ZSWIM6: variants seen among roughly 807,000 people sequenced by gnomAD.
ZSWIM6 encodes zinc finger SWIM-type containing 6, also known as zinc finger SWIM domain-containing protein 6.
Under a neutral mutation model 113.2 loss-of-function variants are expected in ZSWIM6, and 9 were observed. That is an observed-to-expected ratio of 0.08 (90% CI 0.05 to 0.14). The LOEUF is 0.14. Ranked by LOEUF, ZSWIM6 falls within the 10% of genes least tolerant of loss-of-function variation. The pLI is 1.00. For missense variants in ZSWIM6, 1,162 were observed against 1,552.2 expected (o/e 0.75, Z 4.22); for synonymous variants, 611 against 606.5 (o/e 1.01, Z -0.11).
chr5:61,408,655 A>C (rs774225852), intron 1 of ZSWIM6, among the ~76,000 whole-genome samples: 7 of 152,208 alleles, frequency 4.6e-5, no homozygotes, highest in Non-Finnish European at 7.3e-5. Context: ...GGTGTGATGC[A>C]GGTAAAGGAA....
chr5:61,435,023 G>T (rs1746675253), intron 1 of ZSWIM6, among the ~76,000 whole-genome samples: 1 of 152,084 alleles, frequency 6.6e-6, no homozygotes, highest in Admixed American at 6.6e-5. Flanking sequence ...AAAGACCCTT[G>T]TACTGGAAAC....
At chr5:61,356,718 TAAC>T (rs1413365053) in intron 1 of ZSWIM6, among the ~76,000 whole-genome samples, 4 of 106,828 alleles carry the variant, frequency 3.7e-5, no homozygotes, top group Non-Finnish European at 7.5e-5. Flanking sequence ...ATAATATATA[TAAC>T]ATAATATATA....
intron 1 of ZSWIM6, among the ~76,000 whole-genome samples, chr5:61,446,224 C>T (rs1342967983): frequency 6.6e-6 from 1 of 152,150 alleles, no homozygotes; most frequent in Non-Finnish European, 1.5e-5. Flanking sequence ...GGGGTTTCAC[C>T]ATGTTGGCCA....
At chr5:61,476,718 A>G (rs1402595309) in intron 2 of ZSWIM6, among the ~76,000 whole-genome samples, 1 of 152,202 alleles carries the variant, frequency 6.6e-6, no homozygotes, top group Non-Finnish European at 1.5e-5. Context: ...TCCAAGTACT[A>G]ACCCCACCCT....
chr5:61,350,818 A>C (rs1744767950), intron 1 of ZSWIM6, among the ~76,000 whole-genome samples: 1 of 152,192 alleles, frequency 6.6e-6, no homozygotes, highest in Admixed American at 6.5e-5. Context: ...AATGGGACTA[A>C]TTATATCTTT....
At chr5:61,514,812 G>C (rs1748886907) in intron 4 of ZSWIM6, among the ~76,000 whole-genome samples, 1 of 152,004 alleles carries the variant, frequency 6.6e-6, no homozygotes, top group Non-Finnish European at 1.5e-5. Flanking sequence ...GCTCATGAGG[G>C]ATATTGATCT....
chr5:61,360,599 C>G (rs1745013593), intron 1 of ZSWIM6, among the ~76,000 whole-genome samples: 1 of 152,170 alleles, frequency 6.6e-6, no homozygotes, highest in South Asian at 2.1e-4. Context: ...TGATTTGTCT[C>G]CTTACTGCTG....
intron 13 of ZSWIM6, 32 bp downstream of exon 13, chr5:61,541,997 G>A (rs1749752696): frequency 1.4e-5 from 22 of 1,520,676 alleles, no homozygotes; most frequent in Non-Finnish European, 1.9e-5. Context: ...AGCTTTCCTA[G>A]GTGCCTCATG....
chr5:61,391,368 C>T, intron 1 of ZSWIM6: 1 of 834,324 alleles, frequency 1.2e-6, no homozygotes. Context: ...GAAGCAGGCA[C>T]ATCTGGGTGT....
intron 1 of ZSWIM6, among the ~76,000 whole-genome samples, chr5:61,403,085 T>G (rs1234523039): frequency 6.6e-6 from 1 of 152,240 alleles, no homozygotes; most frequent in Non-Finnish European, 1.5e-5. Flanking sequence ...TGTTTACAAG[T>G]GGATGTCACT....
chr5:61,454,244 T>TATTTTATTTC (rs1747150741), intron 1 of ZSWIM6, among the ~76,000 whole-genome samples: 2 of 148,312 alleles, frequency 1.3e-5, no homozygotes, highest in African/African-American at 5.0e-5. Flanking sequence ...TATTTTATTT[T>TATTTTATTTC]ATTTTATTTT....
chr5:61,377,021 A>G (rs1006736867), intron 1 of ZSWIM6, among the ~76,000 whole-genome samples: 1 of 95,362 alleles, frequency 1.0e-5, no homozygotes, highest in Non-Finnish European at 1.9e-5. Flanking sequence ...TAGTAAATGT[A>G]ATGTTTAAAA....
At chr5:61,345,578 T>G (rs1744640727) in intron 1 of ZSWIM6, among the ~76,000 whole-genome samples, 1 of 152,218 alleles carries the variant, frequency 6.6e-6, no homozygotes, top group Non-Finnish European at 1.5e-5. Context: ...ATAGAAAAAC[T>G]GAGGGCATGT....
chr5:61,472,022 G>A lies in ZSWIM6; in HGVS notation c.677-659G>A, dbSNP rs571630182. Among the ~76,000 whole-genome samples the A allele has an allele frequency of 5.9e-5, 9 of 152,212 alleles. No individual in the cohort carries two copies. In the South Asian group the frequency reaches 1.9e-3, roughly 32 times the overall value. On this transcript the variant is annotated intron_variant, in intron 1 of 13. Transcript: ENST00000252744. The surrounding 1 kb of genome is among the most constrained non-coding windows in gnomAD (Gnocchi z 4.1). ...GAGAATCATCATTATGAGTTATTTAGGTGGTAGTGTATATGAGATTTGGTG... is the reference window on the plus strand; with the variant it reads ...GAGAATCATCATTATGAGTTATTTAAGTGGTAGTGTATATGAGATTTGGTG...
rs1320427236 is a variant in ZSWIM6, at chr5:61,498,862, T to A, written c.1333+4452T>A. ...TAAGATTCTAAAGGCTCTGCTTTAC[T>A]CTGCTTTATAGGTAATTGTGGAGAA... On this transcript the variant is annotated intron_variant, in intron 4 of 13. Coordinates refer to ENST00000252744, the MANE Select transcript of ZSWIM6 (RefSeq NM_020928.2). Among the ~76,000 whole-genome samples the A allele has an allele frequency of 3.3e-5, 5 of 152,204 alleles. No homozygotes were observed. In the East Asian group the frequency reaches 9.6e-4, roughly 29 times the overall value.
At chr5:61,369,318 C>G (rs749566818) in intron 1 of ZSWIM6, among the ~76,000 whole-genome samples, 1 of 152,160 alleles carries the variant, frequency 6.6e-6, no homozygotes, top group Non-Finnish European at 1.5e-5. Flanking sequence ...CAGTGAAAGC[C>G]AAGTTACTAT....
chr5:61,382,283 A>AT (rs1298381187), intron 1 of ZSWIM6, among the ~76,000 whole-genome samples: 1 of 152,128 alleles, frequency 6.6e-6, no homozygotes, highest in Non-Finnish European at 1.5e-5. Flanking sequence ...TTTCTCTGAT[A>AT]TTTTTTCAAA....
chr5:61,414,529 G>C (rs774107122), intron 1 of ZSWIM6, among the ~76,000 whole-genome samples: 7 of 152,152 alleles, frequency 4.6e-5, no homozygotes, highest in Non-Finnish European at 7.4e-5. Context: ...GAGGAAAAAA[G>C]ATATTTCCTG....
At chr5:61,415,999 C>A (rs956637600) in intron 1 of ZSWIM6, among the ~76,000 whole-genome samples, 1 of 152,148 alleles carries the variant, frequency 6.6e-6, no homozygotes, top group Non-Finnish European at 1.5e-5. Context: ...TACTATAAAA[C>A]CAAAAGTGTG....
Sources: gnomAD v4.1 joint callset for allele counts (sites outside exome capture counted in the v4.1 genomes callset) on GRCh38, gnomAD v4.1.1 for gene constraint, Gnocchi (gnomAD v3.1) non-coding constraint, MANE v1.5 for transcripts, NCBI Gene and HGNC (gene_info 2026-07-23, HGNC 2026-07-21) for gene names.